Variants in ADAMTSL1 observed in about 807,000 individuals in gnomAD.
The protein encoded by ADAMTSL1 is ADAMTS-like protein 1.
A neutral mutation model predicts 201.8 loss-of-function variants in ADAMTSL1; 126 were observed. The ratio of observed to expected loss-of-function variants is 0.62; its 90% CI spans 0.54 to 0.72. The LOEUF is 0.72. Ranked by LOEUF, ADAMTSL1 falls within the 30% of genes least tolerant of loss-of-function variation. ADAMTSL1 has a pLI of 0.00. For synonymous variants in ADAMTSL1, 1,121 were observed against 903.4 expected, an observed-to-expected ratio of 1.24 and a Z score of -4.32; for missense variants, 2,679 against 2,277.8, an observed-to-expected ratio of 1.18 and a Z score of -3.59.
At chr9:18,468,627 T>C (rs563762485) in intron 2 of ADAMTSL1, among the ~76,000 whole-genome samples, 1 of 152,274 alleles carries the variant, frequency 6.6e-6, no homozygotes, top group South Asian at 2.1e-4. Context: ...AAAAAAACCC[T>C]AAGCTCAGAA....
chr9:18,794,866 T>C (rs897917914), intron 19 of ADAMTSL1, among the ~76,000 whole-genome samples: 1 of 152,158 alleles, frequency 6.6e-6, no homozygotes, highest in Non-Finnish European at 1.5e-5. Context: ...GTTCTTGAAC[T>C]CCTGGTCTCA....
At chr9:18,717,713 G>A (rs1211118152) in intron 14 of ADAMTSL1, among the ~76,000 whole-genome samples, 3 of 152,294 alleles carry the variant, frequency 2.0e-5, no homozygotes, top group African/African-American at 4.8e-5. Flanking sequence ...ATGTCTCTTA[G>A]CAGTAATACT....
At chr9:18,681,699 G>GGGA in intron 11 of ADAMTSL1, 113 bp from the exon 12 acceptor site, 5 of 287,412 alleles carry the variant, frequency 1.7e-5, no homozygotes, top group Non-Finnish European at 2.1e-5. Context: ...TCCTCGTGTG[G>GGGA]GGGGGGGGGG....
chr9:17,923,954 C>G (rs201569497), intron 1 of ADAMTSL1, among the ~76,000 whole-genome samples: 1 of 127,708 alleles, frequency 7.8e-6, no homozygotes. Context: ...TTGAACCAGC[C>G]TTGCATCCCA....
intron 2 of ADAMTSL1, among the ~76,000 whole-genome samples, chr9:18,327,806 A>G (rs946867794): frequency 5.3e-5 from 8 of 152,232 alleles, no homozygotes; most frequent in South Asian, 2.1e-4. Flanking sequence ...TCCAATTAGG[A>G]AAAGAAATGT....
In ADAMTSL1 at chr9:18,721,665, G is replaced by A. The variant is rs774794098; in HGVS notation, c.2006G>A (p.Arg669Lys). Reference sequence around the variant, plus strand: ...TGCAATTTGGATCCCTGCCCAGCAAGGTAAGGGATGTGTGGCCTGCCCTGC... The same window carrying A: ...TGCAATTTGGATCCCTGCCCAGCAAAGTAAGGGATGTGTGGCCTGCCCTGC... ...KSCNLDPCPA[R>K]WEIGKWSPCS... The change falls in exon 15 of 29, where the codon AGG becomes AAG. Residue 669 changes from arginine (R) to lysine (K), a missense_variant and splice_region_variant. Arg to Lys is a conservative substitution (Grantham distance 26). Coordinates refer to ENST00000380548, the MANE Select transcript of ADAMTSL1 (RefSeq NM_001040272.6). The A allele has an allele frequency of 6.2e-7, 1 of 1,613,784 alleles. No individual in the cohort carries two copies. The highest frequency in any genetic ancestry group is 8.5e-7 in the Non-Finnish European group (1 of 1,179,768).
chr9:18,365,212 G>A (rs1424958915), intron 2 of ADAMTSL1, among the ~76,000 whole-genome samples: 2 of 152,024 alleles, frequency 1.3e-5, no homozygotes, highest in Non-Finnish European at 2.9e-5. Context: ...ATTTTCAATG[G>A]AATACTTACC....
intron 1 of ADAMTSL1, among the ~76,000 whole-genome samples, chr9:17,933,771 A>G (rs1357573106): frequency 1.6e-4 from 24 of 152,146 alleles, no homozygotes; most frequent in Non-Finnish European, 1.5e-5. Flanking sequence ...GTGAGAACTC[A>G]CTATCATGAG....
chr9:18,336,745 A>T (rs1173973624), intron 2 of ADAMTSL1, among the ~76,000 whole-genome samples: 1 of 152,174 alleles, frequency 6.6e-6, no homozygotes. Context: ...GTTTGACAGT[A>T]CATGCAAGTT....
At chr9:18,466,902 C>T (rs1821028495) in intron 2 of ADAMTSL1, among the ~76,000 whole-genome samples, 1 of 152,144 alleles carries the variant, frequency 6.6e-6, no homozygotes, top group Non-Finnish European at 1.5e-5. Context: ...TTAATTGCTG[C>T]TCTGAAATTC....
At chr9:18,327,338 T>C (rs1377312093) in intron 2 of ADAMTSL1, among the ~76,000 whole-genome samples, 1 of 152,238 alleles carries the variant, frequency 6.6e-6, no homozygotes, top group Non-Finnish European at 1.5e-5. Context: ...AGGAATGAAC[T>C]GAGGAGACGC....
At chr9:18,634,828 G>C (rs1305913864) in intron 5 of ADAMTSL1, among the ~76,000 whole-genome samples, 1 of 98,804 alleles carries the variant, frequency 1.0e-5, no homozygotes, top group African/African-American at 3.5e-5. Flanking sequence ...GACAGAGCGA[G>C]ATTCCTCAAA....
At chr9:18,113,021 A>G (rs1019426535) in intron 1 of ADAMTSL1, among the ~76,000 whole-genome samples, 2 of 152,102 alleles carry the variant, frequency 1.3e-5, no homozygotes, top group Non-Finnish European at 2.9e-5. Context: ...TTTTTCTCCA[A>G]CTGGCTTTAA....
chr9:18,680,555 G>C, intron 11 of ADAMTSL1, 39 bp downstream of exon 11: 3 of 1,603,766 alleles, frequency 1.9e-6, no homozygotes, highest in Non-Finnish European at 2.6e-6. Flanking sequence ...AGGAGAGTAA[G>C]TCCACTCTTC....
intron 2 of ADAMTSL1, among the ~76,000 whole-genome samples, chr9:18,427,736 G>C (rs186536517): frequency 1.4e-4 from 22 of 152,324 alleles, no homozygotes; most frequent in Admixed American, 1.1e-3. Flanking sequence ...AGCCTTGCAG[G>C]TTACATTTTC....
intron 1 of ADAMTSL1, among the ~76,000 whole-genome samples, chr9:18,109,832 T>C (rs1359267438): frequency 6.6e-6 from 1 of 152,146 alleles, no homozygotes; most frequent in Non-Finnish European, 1.5e-5. Flanking sequence ...GGGAGTAACC[T>C]GTAGTCACAC....
intron 21 of ADAMTSL1, among the ~76,000 whole-genome samples, chr9:18,819,455 C>T (rs1179329963): frequency 7.6e-6 from 1 of 132,340 alleles, no homozygotes; most frequent in African/African-American, 2.8e-5. Flanking sequence ...GACTCTGTCT[C>T]AAAAAAAAAA....
rs773913221 is a variant in ADAMTSL1, at chr9:18,826,496, A to G, written c.4114+33A>G. On this transcript the variant is annotated intron_variant, in intron 22 of 28. Coordinates refer to ENST00000380548, the MANE Select transcript of ADAMTSL1 (RefSeq NM_001040272.6). ...CTTCAAAGCTGGCTGCCTCTGCTGC[A>G]CCCTGTTGGGAGTGACTATCTAACC... 11 of 1,592,838 alleles carry G rather than the reference A, an allele frequency of 6.9e-6. No homozygotes were observed. The South Asian group carries it at 1.3e-4, about 18-fold the overall frequency.
chr9:18,099,871 C>A (rs1187530117), intron 1 of ADAMTSL1, among the ~76,000 whole-genome samples: 1 of 152,008 alleles, frequency 6.6e-6, no homozygotes, highest in East Asian at 1.9e-4. Flanking sequence ...CGTGATCCGC[C>A]CACCTCAGCC....
Sources: allele counts gnomAD v4.1 joint callset (sites outside exome capture counted in the v4.1 genomes callset), GRCh38; gene constraint gnomAD v4.1.1; transcripts MANE v1.5; gene names NCBI Gene and HGNC (gene_info 2026-07-23, HGNC 2026-07-21).